IFT74: variants seen among roughly 807,000 people sequenced by gnomAD.
The protein encoded by IFT74 is intraflagellar transport 74, also known as intraflagellar transport protein 74 homolog.
A neutral mutation model predicts 96.7 loss-of-function variants in IFT74; 92 were observed. The ratio of observed to expected loss-of-function variants is 0.95; its 90% confidence interval spans 0.80 to 1.13. The LOEUF (loss-of-function observed/expected upper bound fraction) is 1.13, where lower values mean the gene tolerates loss of function less well. IFT74 is among the 50% of genes most tolerant of loss of function. The pLI, the probability that IFT74 is intolerant of heterozygous loss-of-function variation, is 0.00. For missense variants in IFT74, 811 were observed against 698.2 expected, an observed-to-expected ratio of 1.16 and a Z score of -1.82; for synonymous variants, 223 against 213.2, an observed-to-expected ratio of 1.05 and a Z score of -0.40.
At chr9:26,977,996 TA>T in intron 2 of IFT74, 131 bp from the exon 3 acceptor site, 2 of 693,772 alleles carry the variant, frequency 2.9e-6, no homozygotes, top group South Asian at 4.7e-5. Flanking sequence ...TTCAGACATT[TA>T]AAAAATAAGG....
chr9:26,982,469 TTTTTG>T, intron 4 of IFT74: 1 of 377,512 alleles, frequency 2.6e-6, no homozygotes, highest in Non-Finnish European at 5.2e-6. Context: ...TTTTTTTTTT[TTTTTG>T]AGACAGAGTT....
chr9:27,009,082 A>C lies in IFT74; in HGVS notation c.650A>C (p.Asp217Ala). The change falls in exon 9 of 20, where the codon GAC (aspartate) becomes GCC (alanine). Residue 217 changes from aspartate to alanine, a missense_variant. Physicochemically the swap from Asp to Ala is moderately radical, Grantham distance 126 (BLOSUM62 -2). Transcript: ENST00000380062. ...EIEQEKQATD[D>A]IIKNMSFENQ... ...GAACAGGAAAAACAAGCAACAGATG[A>C]CATTATCAAAAATATGTCTTTTGAA... 3 of 1,612,910 alleles carry C rather than the reference A, an allele frequency of 1.9e-6. No homozygotes were observed. The highest frequency in any genetic ancestry group is 2.5e-6 in the Non-Finnish European group (3 of 1,179,044).
rs564048869 is a variant in IFT74, at chr9:27,031,137, A to C, written c.1054+2033A>C. Among the ~76,000 whole-genome samples the C allele has an allele frequency of 9.5e-4, 145 of 152,166 alleles. 1 individual carries two copies. The highest frequency in any genetic ancestry group is 2.2e-4 in the Non-Finnish European group (15 of 67,982). ...CAGCCTTCCAAGTAGCCGGGACTAC[A>C]GGTCCATGTTACTGTGCCCAGCTTG... On this transcript the variant is annotated intron_variant, in intron 13 of 19. Coordinates refer to ENST00000380062, the MANE Select transcript of IFT74 (RefSeq NM_025103.4).
At chr9:26,967,144 G>A (rs191302568) in intron 2 of IFT74, among the ~76,000 whole-genome samples, 4 of 149,904 alleles carry the variant, frequency 2.7e-5, no homozygotes, top group Non-Finnish European at 4.4e-5. Flanking sequence ...GAATGTCATT[G>A]ATATTTTGAC....
intron 9 of IFT74, among the ~76,000 whole-genome samples, chr9:27,010,546 G>T (rs1829015095): frequency 6.8e-6 from 1 of 148,002 alleles, no homozygotes; most frequent in South Asian, 2.1e-4. Context: ...CTGGAGTGCA[G>T]TGGCGCGATC....
intron 13 of IFT74, among the ~76,000 whole-genome samples, chr9:27,034,653 C>A (rs1446138484): frequency 1.3e-5 from 2 of 152,188 alleles, no homozygotes; most frequent in African/African-American, 4.8e-5. Context: ...CTCAGCCTCC[C>A]AAGTAGCTGG....
At chr9:26,978,514 T>C (rs1459244018) in intron 3 of IFT74, among the ~76,000 whole-genome samples, 1 of 152,158 alleles carries the variant, frequency 6.6e-6, no homozygotes, top group Non-Finnish European at 1.5e-5. Flanking sequence ...AGAGTGAATA[T>C]GAAAATACAG....
intron 9 of IFT74, among the ~76,000 whole-genome samples, chr9:27,010,623 G>A (rs1829018244): frequency 6.6e-6 from 1 of 151,596 alleles, no homozygotes; most frequent in African/African-American, 2.4e-5. Context: ...CTGAGTAGCT[G>A]GGACCACAGG....
At chr9:26,984,082 C>T in intron 4 of IFT74, 175 bp from the exon 5 acceptor site, 1 of 465,668 alleles carries the variant, frequency 2.1e-6, no homozygotes, top group Non-Finnish European at 3.5e-6. Flanking sequence ...CCGCACCCAG[C>T]CAGAATATAC....
chr9:26,986,369 G>A (rs1044350076), intron 6 of IFT74, among the ~76,000 whole-genome samples: 4 of 150,636 alleles, frequency 2.7e-5, no homozygotes, highest in Non-Finnish European at 5.9e-5. Flanking sequence ...AAGCTGGAAT[G>A]CAGTGGCTCA....
Position 27,018,699 on chromosome 9 carries a change from T to C in IFT74, c.974+12T>C, listed in dbSNP as rs1409031517. ...AGCATGGAAAGACAGTAAGTATCTT[T>C]ATACTAGGACATTTTACATCCATTT... is the stretch of plus-strand genomic sequence containing the variant. On this transcript the variant is annotated intron_variant, in intron 12 of 19. Coordinates refer to ENST00000380062, the MANE Select transcript of IFT74 (RefSeq NM_025103.4). 5 of 1,489,706 alleles carry C rather than the reference T, an allele frequency of 3.4e-6. No homozygotes were observed. The allele number at this position is 1,489,706 out of a possible 1,614,324, so 92.3% of individuals were successfully genotyped here.
intron 6 of IFT74, among the ~76,000 whole-genome samples, chr9:26,986,476 A>G (rs1827641484): frequency 6.6e-6 from 1 of 150,394 alleles, no homozygotes; most frequent in Non-Finnish European, 1.5e-5. Flanking sequence ...CCATCACACC[A>G]GGCTAATTTT....
Position 26,948,473 on chromosome 9 carries a change from T to A in IFT74, c.-20+1327T>A, listed in dbSNP as rs752786098. On this transcript the variant is annotated intron_variant, in intron 1 of 19. Transcript: ENST00000433700. ...ATTTTTTTTTTTTTTTTTTTTTTTT[T>A]TTTTTTTTTTTTTTTGAGACGGAGT... 7.9e-3 allele frequency among the ~76,000 whole-genome samples: 845 copies of A among 106,872 alleles called. 35 individuals carry two copies. Among genetic ancestry groups the A allele is most frequent in the Admixed American group, 0.017 (180 of 10,678 alleles). The allele number at this position is 106,872 out of a possible 152,430, so 70.1% of individuals were successfully genotyped here. A position where few individuals can be genotyped will look rare whatever the true frequency, so the allele number is the denominator to read the frequency against.
chr9:26,974,249 G>A (rs943777456), intron 2 of IFT74, among the ~76,000 whole-genome samples: 31 of 152,086 alleles, frequency 2.0e-4, no homozygotes, highest in African/African-American at 6.3e-4. Flanking sequence ...GCTTTTCTGC[G>A]TCTCTCCTTA....
intron 13 of IFT74, among the ~76,000 whole-genome samples, chr9:27,033,491 C>T (rs1302200011): frequency 6.7e-6 from 1 of 149,816 alleles, no homozygotes; most frequent in Non-Finnish European, 1.5e-5. Context: ...CCTCGGAAGT[C>T]GAGGCTGCAG....
chr9:26,960,792 A>G (rs1826319600), intron 1 of IFT74, among the ~76,000 whole-genome samples: 1 of 152,082 alleles, frequency 6.6e-6, no homozygotes, highest in Non-Finnish European at 1.5e-5. Context: ...GCAATTCCAG[A>G]TGATGACAAG....
At chr9:27,010,773 C>A (rs902993701) in intron 9 of IFT74, among the ~76,000 whole-genome samples, 2 of 152,008 alleles carry the variant, frequency 1.3e-5, no homozygotes, top group Non-Finnish European at 2.9e-5. Flanking sequence ...CGGCCGAGAT[C>A]CACTTTTTTA....
chr9:26,996,855 T>C (rs902763748), intron 8 of IFT74, among the ~76,000 whole-genome samples: 7 of 152,170 alleles, frequency 4.6e-5, no homozygotes, highest in African/African-American at 1.7e-4. Context: ...AAAAAATTAG[T>C]CTGACATATT....
At position 27,063,716 on chromosome 9, in the gene IFT74, C is replaced by A. The variant is rs1202248332; in HGVS notation, c.*980C>A. ...ACATTGATTTCTTAAACCAAAATAG[C>A]TTTATTGAGATATTATTTACATACT... is the stretch of plus-strand genomic sequence containing the variant. On this transcript the variant is annotated 3_prime_UTR_variant, in exon 20 of 20. Transcript: ENST00000380062. Among the ~76,000 whole-genome samples the A allele has an allele frequency of 6.6e-6, 1 of 152,020 alleles. No individual in the cohort carries two copies. Among genetic ancestry groups the A allele is most frequent in the East Asian group, 1.9e-4 (1 of 5,200 alleles).
Sources: gnomAD v4.1 joint callset for allele counts (sites outside exome capture counted in the v4.1 genomes callset) on GRCh38, gnomAD v4.1.1 for gene constraint, MANE v1.5 for transcripts, NCBI Gene and HGNC (gene_info 2026-07-23, HGNC 2026-07-21) for gene names.